The following ISOC2 variants were observed in gnomAD, a reference collection of about 807,000 sequenced individuals.
The protein encoded by ISOC2 is isochorismatase domain containing 2.
A neutral mutation model predicts 19.3 loss-of-function variants in ISOC2; 15 were observed. That is an observed-to-expected ratio of 0.78 (90% CI 0.52 to 1.20). ISOC2 has a LOEUF of 1.20. ISOC2 is among the 50% of genes most tolerant of loss of function. ISOC2 has a pLI of 0.00. For synonymous variants in ISOC2, 106 were observed against 115.8 expected, an observed-to-expected ratio of 0.92 and a Z score of 0.54; for missense variants, 285 against 272.4, an observed-to-expected ratio of 1.05 and a Z score of -0.33.
At chr19:55,454,699 A>G (rs921492490) in intron 5 of ISOC2, 2 of 447,004 alleles carry the variant, frequency 4.5e-6, no homozygotes, top group African/African-American at 2.0e-5. Flanking sequence ...AGTTCATTCT[A>G]AAGTCACCTG....
intron 1 of ISOC2, chr19:55,459,834 G>T (rs1250151715): frequency 6.6e-6 from 1 of 152,286 alleles, no homozygotes; most frequent in Non-Finnish European, 1.5e-5. Context: ...GGGTCACAAG[G>T]GCCCTGGAGT....
At chr19:55,458,668 C>T (rs1986142170) in intron 1 of ISOC2, among the ~76,000 whole-genome samples, 1 of 152,032 alleles carries the variant, frequency 6.6e-6, no homozygotes, top group Middle Eastern at 3.4e-3. Context: ...GCTGGGATTA[C>T]AGGCTTGTGC....
chr19:55,455,969 G>A (rs1338591267), intron 2 of ISOC2, 124 bp from the exon 3 acceptor site: 3 of 542,088 alleles, frequency 5.5e-6, no homozygotes, highest in Middle Eastern at 5.4e-4. Flanking sequence ...GGGGCTGGGG[G>A]TCTGGACTCC....
chr19:55,458,122 C>G (rs1480955286), intron 1 of ISOC2, among the ~76,000 whole-genome samples: 1 of 152,010 alleles, frequency 6.6e-6, no homozygotes, highest in Non-Finnish European at 1.5e-5. Context: ...GGTGAAGCCA[C>G]CTGGCCAGCA....
chr19:55,457,906 C>T (rs1986113409), intron 1 of ISOC2, among the ~76,000 whole-genome samples: 1 of 150,784 alleles, frequency 6.6e-6, no homozygotes. Context: ...TTCAGGTTGA[C>T]TGCTGGGGGG....
intron 1 of ISOC2, among the ~76,000 whole-genome samples, chr19:55,459,258 C>T (rs1986162798): frequency 6.6e-6 from 1 of 152,144 alleles, no homozygotes; most frequent in South Asian, 2.1e-4. Context: ...GAACATAATC[C>T]ATCTACCATA....
intron 1 of ISOC2, among the ~76,000 whole-genome samples, chr19:55,460,721 AC>A (rs1314951279): frequency 2.0e-5 from 3 of 152,200 alleles, no homozygotes; most frequent in East Asian, 3.9e-4. Flanking sequence ...GTATTTGCAA[AC>A]CGTTCGATTT....
intron 5 of ISOC2, 43 bp from the exon 6 acceptor site, chr19:55,453,431 C>T (rs1010383349): frequency 7.1e-7 from 1 of 1,404,160 alleles, no homozygotes; most frequent in Non-Finnish European, 9.6e-7. Context: ...GTCTAGGGTC[C>T]CGATCTCCAT....
chr19:55,453,470 G>A (rs1434114306), intron 5 of ISOC2, 82 bp from the exon 6 acceptor site: 11 of 973,334 alleles, frequency 1.1e-5, no homozygotes, highest in Non-Finnish European at 1.6e-5. Flanking sequence ...ACACCTCTCC[G>A]TCTTCATCTC....
In ISOC2 at chr19:55,453,259, G is replaced by A; in HGVS notation, c.*49C>T. On this transcript the variant is annotated 3_prime_UTR_variant, in exon 6 of 6. Transcript: ENST00000425675. ...GGGATGGGGGGAACGGGCTTCCACT[G>A]AGGTCCGGGTGACAGGAGGGTGGTC... 1 of 1,408,838 alleles carries A rather than the reference G, an allele frequency of 7.1e-7. No homozygotes were observed. The highest frequency in any genetic ancestry group is 9.8e-7 in the Non-Finnish European group (1 of 1,021,526). 87.3% of individuals were successfully genotyped at this position (1,408,838 alleles called of 1,614,324 possible).
At chr19:55,457,836 A>G (rs1986111049) in intron 1 of ISOC2, among the ~76,000 whole-genome samples, 1 of 151,264 alleles carries the variant, frequency 6.6e-6, no homozygotes. Flanking sequence ...CATCTCAAAA[A>G]AAAAAAAAAA....
chr19:55,455,869 G>C (rs916859327), intron 2 of ISOC2, 24 bp from the exon 3 acceptor site: 5 of 1,356,634 alleles, frequency 3.7e-6, no homozygotes, highest in Non-Finnish European at 4.8e-6. Context: ...GGGGAAGAAA[G>C]GTCAGGGTCT....
At chr19:55,460,876 G>A (rs1219255338) in intron 1 of ISOC2, among the ~76,000 whole-genome samples, 1 of 152,216 alleles carries the variant, frequency 6.6e-6, no homozygotes, top group African/African-American at 2.4e-5. Context: ...ACAGGGGAGA[G>A]TCAGGAAGGG....
chr19:55,456,953 T>G, intron 1 of ISOC2: 1 of 160,676 alleles, frequency 6.2e-6, no homozygotes, highest in African/African-American at 2.4e-5. Context: ...TACTATCAGA[T>G]CCCGGTTACA....
intron 1 of ISOC2, among the ~76,000 whole-genome samples, chr19:55,458,831 G>A (rs2123385712): frequency 6.6e-6 from 1 of 150,868 alleles, no homozygotes; most frequent in Middle Eastern, 3.5e-3. Flanking sequence ...CTGGCCTTGA[G>A]CTGCTATTTT....
At chr19:55,456,064 G>C in intron 2 of ISOC2, 1 of 599,480 alleles carries the variant, frequency 1.7e-6, no homozygotes, top group Non-Finnish European at 3.0e-6. Context: ...TCTGAGGGAA[G>C]AGGAAGTGGG....
Position 55,453,238 on chromosome 19 carries a change from T to TG in ISOC2, c.*69dup. The stretch of plus-strand genomic sequence containing the variant: ...TCGCACCACTCTTGGGATCCAGGGA[T>TG]GGGGGGAACGGGCTTCCACTGAGGT... On this transcript the variant is annotated 3_prime_UTR_variant, in exon 6 of 6. Coordinates refer to ENST00000425675, the MANE Select transcript of ISOC2 (RefSeq NM_001136201.2). The TG allele has an allele frequency of 3.6e-6, 4 of 1,102,190 alleles. No individual in the cohort carries two copies. The highest frequency in any genetic ancestry group is 5.2e-6 in the Non-Finnish European group (4 of 763,462). 68.3% of individuals were successfully genotyped at this position (1,102,190 alleles called of 1,614,324 possible). A position where few individuals can be genotyped will look rare whatever the true frequency, so the allele number is the denominator to read the frequency against.
chr19:55,458,294 C>T (rs75602785), intron 1 of ISOC2, among the ~76,000 whole-genome samples: 2,143 of 152,294 alleles, frequency 0.014, 20 homozygotes, highest in Non-Finnish European at 0.023. Flanking sequence ...TGGCCTACGT[C>T]CCTGGGAGGC....
intron 1 of ISOC2, 46 bp downstream of exon 1, chr19:55,461,465 CG>C (rs1986236706): frequency 6.6e-6 from 1 of 152,276 alleles, no homozygotes; most frequent in Non-Finnish European, 1.5e-5. Flanking sequence ...ATCTGCTAGG[CG>C]GTAAGGTCGG....
Sources: allele counts gnomAD v4.1 joint callset (sites outside exome capture counted in the v4.1 genomes callset), GRCh38; gene constraint gnomAD v4.1.1; transcripts MANE v1.5; gene names NCBI Gene and HGNC (gene_info 2026-07-23, HGNC 2026-07-21).